The following CDH13 variants were observed in gnomAD, a reference collection of about 807,000 sequenced individuals.
CDH13 encodes the protein cadherin 13, also known as cadherin-13.
CDH13 carries 24 observed loss-of-function variants against 63.8 expected under a neutral mutation model. The observed-to-expected ratio is 0.38, with a 90% confidence interval of 0.27 to 0.53. CDH13 has a LOEUF of 0.53. Among genes scored for constraint, CDH13 ranks in the 20% least tolerant of loss-of-function variants. CDH13 has a pLI of 0.85. For missense variants in CDH13, 1,049 were observed against 903.1 expected, an observed-to-expected ratio of 1.16 and a Z score of -2.07; for synonymous variants, 503 against 355.3, an observed-to-expected ratio of 1.42 and a Z score of -4.67.
At chr16:83,486,740 G>GT (rs1318553953) in intron 7 of CDH13, 85 bp downstream of exon 7, 145 of 1,299,728 alleles carry the variant, frequency 1.1e-4, no homozygotes, top group Non-Finnish European at 1.1e-4. Flanking sequence ...CCAGTCAGTG[G>GT]TTTTTTTTAA....
intron 4 of CDH13, among the ~76,000 whole-genome samples, chr16:83,212,152 G>T (rs1297704568): frequency 6.6e-6 from 1 of 152,142 alleles, no homozygotes; most frequent in East Asian, 1.9e-4. Flanking sequence ...GTTCCCAGGA[G>T]TTGAGCACAG....
chr16:83,456,790 C>T (rs1012238168), intron 6 of CDH13, among the ~76,000 whole-genome samples: 6 of 152,016 alleles, frequency 3.9e-5, no homozygotes, highest in East Asian at 1.9e-4. Context: ...GGCAAAACCC[C>T]GTCTCTACTA....
At chr16:82,722,599 A>G (rs998017765) in intron 1 of CDH13, among the ~76,000 whole-genome samples, 4 of 152,120 alleles carry the variant, frequency 2.6e-5, no homozygotes, top group Non-Finnish European at 4.4e-5. Context: ...TGGACCAAGT[A>G]TGGAGAGTGA....
intron 5 of CDH13, among the ~76,000 whole-genome samples, chr16:83,228,998 C>G (rs1321323806): frequency 6.6e-6 from 1 of 152,050 alleles, no homozygotes; most frequent in African/African-American, 2.4e-5. Flanking sequence ...AGTCCAAACT[C>G]ATAGTGAAGA....
chr16:83,205,412 A>C (rs2039154236), intron 4 of CDH13, among the ~76,000 whole-genome samples: 1 of 152,136 alleles, frequency 6.6e-6, no homozygotes, highest in Non-Finnish European at 1.5e-5. Flanking sequence ...CTCCTCCTCC[A>C]ATCTGCTGAG....
At chr16:83,187,479 C>G (rs1012840372) in intron 4 of CDH13, among the ~76,000 whole-genome samples, 6 of 152,002 alleles carry the variant, frequency 3.9e-5, no homozygotes, top group African/African-American at 1.4e-4. Context: ...GTTTCTGATT[C>G]TACTGCCTTT....
intron 3 of CDH13, among the ~76,000 whole-genome samples, chr16:83,090,195 T>G (rs946072328): frequency 2.0e-5 from 3 of 152,130 alleles, no homozygotes; most frequent in Non-Finnish European, 4.4e-5. Context: ...TTTCCTCAAT[T>G]TCAGGCTCTT....
At chr16:83,049,116 A>G (rs4303474) in intron 3 of CDH13, among the ~76,000 whole-genome samples, 3,621 of 152,202 alleles carry the variant, frequency 0.024, 135 homozygotes, top group African/African-American at 0.078. Flanking sequence ...TTTACATAAC[A>G]TAAAATTAAG....
intron 6 of CDH13, among the ~76,000 whole-genome samples, chr16:83,376,883 C>G (rs1212396513): frequency 6.6e-6 from 1 of 152,118 alleles, no homozygotes; most frequent in African/African-American, 2.4e-5. Context: ...TTTACTGTCT[C>G]TTGCAACGTT....
intron 2 of CDH13, among the ~76,000 whole-genome samples, chr16:82,904,227 T>A (rs553140737): frequency 6.6e-6 from 1 of 152,350 alleles, no homozygotes; most frequent in East Asian, 1.9e-4. Context: ...TACAAACTTT[T>A]GTCAATCATG....
chr16:82,688,208 C>G (rs912299702), intron 1 of CDH13, among the ~76,000 whole-genome samples: 2 of 152,202 alleles, frequency 1.3e-5, no homozygotes, highest in Non-Finnish European at 2.9e-5. Context: ...CTGGTATAGC[C>G]TGGCAGCAAC....
chr16:83,209,277 C>A (rs953811936), intron 4 of CDH13, among the ~76,000 whole-genome samples: 1 of 152,144 alleles, frequency 6.6e-6, no homozygotes, highest in Non-Finnish European at 1.5e-5. Flanking sequence ...CTGGATCTGC[C>A]GTCCATGTTC....
chr16:83,236,196 A>G (rs570848808), intron 5 of CDH13, among the ~76,000 whole-genome samples: 2 of 151,050 alleles, frequency 1.3e-5, no homozygotes, highest in Non-Finnish European at 2.9e-5. Flanking sequence ...TTCTGAAAAC[A>G]TAAGAACTGA....
chr16:83,210,021 T>A (rs994279452), intron 4 of CDH13, among the ~76,000 whole-genome samples: 1 of 151,976 alleles, frequency 6.6e-6, no homozygotes, highest in Non-Finnish European at 1.5e-5. Context: ...GCTCTGAGAT[T>A]TTACCCTCTG....
At chr16:83,427,677 C>T (rs1040404449) in intron 6 of CDH13, among the ~76,000 whole-genome samples, 9 of 152,230 alleles carry the variant, frequency 5.9e-5, no homozygotes, top group African/African-American at 1.9e-4. Flanking sequence ...TGCCTTGTGC[C>T]TTCAGGATTC....
chr16:83,766,544 T>C (rs895739436), intron 11 of CDH13, among the ~76,000 whole-genome samples: 4 of 152,210 alleles, frequency 2.6e-5, no homozygotes, highest in Non-Finnish European at 4.4e-5. Context: ...ATAAAACCAC[T>C]TGTACTCATA....
intron 10 of CDH13, among the ~76,000 whole-genome samples, chr16:83,686,729 T>C (rs1904338812): frequency 1.3e-5 from 2 of 152,236 alleles, no homozygotes; most frequent in South Asian, 2.1e-4. Context: ...TACATTTTAG[T>C]ACATTTGATA....
At chr16:82,988,461 G>A (rs574201302) in intron 2 of CDH13, among the ~76,000 whole-genome samples, 10 of 151,988 alleles carry the variant, frequency 6.6e-5, no homozygotes, top group East Asian at 3.9e-4. Context: ...AGCTGAAAAC[G>A]TCCATAGACT....
chr16:83,163,632 A>C (rs2037540306), intron 4 of CDH13, among the ~76,000 whole-genome samples: 1 of 152,074 alleles, frequency 6.6e-6, no homozygotes, highest in Non-Finnish European at 1.5e-5. Context: ...AGTGCTAGCC[A>C]AAGTGTGTCA....
Sources: gnomAD v4.1 joint callset for allele counts (sites outside exome capture counted in the v4.1 genomes callset) on GRCh38, gnomAD v4.1.1 for gene constraint, MANE v1.5 for transcripts, NCBI Gene and HGNC (gene_info 2026-07-23, HGNC 2026-07-21) for gene names.